Variants in MEI4 observed in about 807,000 individuals in gnomAD.
MEI4 encodes meiosis-specific protein MEI4.
A neutral mutation model predicts 31.4 loss-of-function variants in MEI4; 27 were observed. That is an observed-to-expected ratio of 0.86 (90% CI 0.63 to 1.19). The LOEUF is 1.19. Among genes scored for constraint, MEI4 ranks in the 50% most tolerant of loss-of-function variants. The pLI, the probability that MEI4 is intolerant of heterozygous loss-of-function variation, is 0.00. For synonymous variants in MEI4, 122 were observed against 145.4 expected, an observed-to-expected ratio of 0.84 and a Z score of 1.16; for missense variants, 329 against 398.9, an observed-to-expected ratio of 0.82 and a Z score of 1.49.
intron 3 of MEI4, among the ~76,000 whole-genome samples, chr6:77,788,224 A>C (rs557397833): frequency 6.6e-6 from 1 of 152,226 alleles, no homozygotes; most frequent in Admixed American, 6.5e-5. Context: ...AAAAACTCTC[A>C]ATAAATTAGG....
intron 4 of MEI4, among the ~76,000 whole-genome samples, chr6:77,883,717 G>GATAGATAGATATATATATATAT (rs1554172067): frequency 9.2e-5 from 4 of 43,338 alleles, no homozygotes; most frequent in African/African-American, 7.5e-4. Flanking sequence ...TATTATGTAA[G>GATAGATAGATATATATATATAT]ATATATATAT....
At chr6:77,707,164 G>A (rs116202078) in intron 2 of MEI4, among the ~76,000 whole-genome samples, 110 of 152,150 alleles carry the variant, frequency 7.2e-4, no homozygotes, top group African/African-American at 2.6e-3. Flanking sequence ...AATATGGACA[G>A]TGAAAGCCAG....
At chr6:77,670,887 C>T (rs1768725761) in intron 1 of MEI4, among the ~76,000 whole-genome samples, 2 of 152,016 alleles carry the variant, frequency 1.3e-5, no homozygotes, top group South Asian at 2.1e-4. Context: ...AATAGTTTAT[C>T]CCTTTCTATC....
At chr6:77,655,857 CCTT>C (rs1768385467) in intron 1 of MEI4, among the ~76,000 whole-genome samples, 1 of 152,012 alleles carries the variant, frequency 6.6e-6, no homozygotes, top group African/African-American at 2.4e-5. Flanking sequence ...TTATTATACT[CCTT>C]AGATTTTGGA....
chr6:77,738,221 G>A (rs142936047), intron 2 of MEI4, among the ~76,000 whole-genome samples: 1 of 152,184 alleles, frequency 6.6e-6, no homozygotes, highest in African/African-American at 2.4e-5. Context: ...AAATAGTTTA[G>A]AGCCAAGCTG....
chr6:77,663,032 A>G (rs1330100344), intron 1 of MEI4, among the ~76,000 whole-genome samples: 2 of 152,228 alleles, frequency 1.3e-5, no homozygotes, highest in African/African-American at 2.4e-5. Context: ...TAAAGAAAGC[A>G]TGTTTGAGAT....
Position 77,828,911 on chromosome 6 carries a change from C to A in MEI4, c.769-20C>A. On this transcript the variant is annotated intron_variant, in intron 3 of 4. Coordinates refer to ENST00000684080, the MANE Select transcript of MEI4 (RefSeq NM_001322247.2). ...ATTTGACGTGATGGAATATAGAAACCTACTCATTTTTATCTTTAGTTTCAG... is the reference window on the plus strand; with the variant it reads ...ATTTGACGTGATGGAATATAGAAACATACTCATTTTTATCTTTAGTTTCAG... 1 of 1,231,576 alleles carries A rather than the reference C, an allele frequency of 8.1e-7. No homozygotes were observed. The highest frequency in any genetic ancestry group is 1.0e-6 in the Non-Finnish European group (1 of 987,454). The allele number at this position is 1,231,576 out of a possible 1,614,324, so 76.3% of individuals were successfully genotyped here.
At chr6:77,758,131 G>GT (rs1240987212) in intron 2 of MEI4, among the ~76,000 whole-genome samples, 2 of 147,118 alleles carry the variant, frequency 1.4e-5, no homozygotes, top group African/African-American at 5.0e-5. Context: ...CTCCAGCTTG[G>GT]TGACAGAGCA....
At chr6:77,891,561 T>G (rs1448318496) in intron 4 of MEI4, among the ~76,000 whole-genome samples, 1 of 152,188 alleles carries the variant, frequency 6.6e-6, no homozygotes, top group African/African-American at 2.4e-5. Flanking sequence ...TTTGCTCTCT[T>G]GTATCTCACT....
At chr6:77,905,514 T>G (rs1766276132) in intron 4 of MEI4, among the ~76,000 whole-genome samples, 1 of 70,954 alleles carries the variant, frequency 1.4e-5, no homozygotes, top group African/African-American at 6.1e-5. Flanking sequence ...TTTTTTTTTT[T>G]GTGGCAGAGT....
rs1766779474 is a variant in MEI4, at chr6:77,923,969, GTTCT to G, written c.*626_*629del. On this transcript the variant is annotated 3_prime_UTR_variant, in exon 5 of 5. Coordinates refer to ENST00000684080, the MANE Select transcript of MEI4 (RefSeq NM_001322247.2). ...ATACTATTAATTAGTTGTTTAAAAT[GTTCT>G]TTGTTTTTCAACAAATACTTGTTTC... 2 of 151,432 alleles carry G rather than the reference GTTCT, an allele frequency of 1.3e-5. No homozygotes were observed. Among genetic ancestry groups the G allele is most frequent in the African/African-American group, 2.4e-5 (1 of 41,328 alleles). The allele number at this position is 151,432 out of a possible 1,614,324, so 9.4% of individuals were successfully genotyped here. A position where few individuals can be genotyped will look rare whatever the true frequency, so the allele number is the denominator to read the frequency against.
intron 4 of MEI4, among the ~76,000 whole-genome samples, chr6:77,898,790 A>T (rs1345716140): frequency 6.6e-6 from 1 of 152,008 alleles, no homozygotes; most frequent in African/African-American, 2.4e-5. Flanking sequence ...TTATCCAAGG[A>T]ATGTGACTTT....
intron 4 of MEI4, among the ~76,000 whole-genome samples, chr6:77,844,748 C>G (rs193092826): frequency 6.6e-6 from 1 of 151,788 alleles, no homozygotes; most frequent in African/African-American, 2.4e-5. Flanking sequence ...TGTCACATGT[C>G]GAGGAAAGCA....
At chr6:77,713,725 A>G (rs192749982) in intron 2 of MEI4, among the ~76,000 whole-genome samples, 32 of 152,348 alleles carry the variant, frequency 2.1e-4, no homozygotes, top group Non-Finnish European at 4.4e-4. Flanking sequence ...CTGTATTGTT[A>G]TAAGATGCTC....
intron 1 of MEI4, among the ~76,000 whole-genome samples, chr6:77,678,975 GA>G (rs1464275165): frequency 2.6e-5 from 4 of 151,780 alleles, no homozygotes; most frequent in African/African-American, 4.8e-5. Context: ...TTTAAAATAG[GA>G]AAAGTTTATA....
intron 1 of MEI4, among the ~76,000 whole-genome samples, chr6:77,678,401 G>C (rs143214164): frequency 3.3e-5 from 5 of 152,254 alleles, no homozygotes; most frequent in African/African-American, 1.2e-4. Context: ...AGTTCTGATT[G>C]GTAGGTGAAG....
chr6:77,779,690 C>G (rs1411842126), intron 3 of MEI4, among the ~76,000 whole-genome samples: 1 of 152,068 alleles, frequency 6.6e-6, no homozygotes, highest in Non-Finnish European at 1.5e-5. Flanking sequence ...GCCCCTTTCC[C>G]TGGTTTTCAT....
Position 77,848,136 on chromosome 6 carries a change from T to A in MEI4, c.900+19074T>A, listed in dbSNP as rs1041371577. 7.2e-5 allele frequency among the ~76,000 whole-genome samples: 11 copies of A among 152,288 alleles called. No individual in the cohort carries two copies. In the East Asian group the frequency reaches 1.9e-3, roughly 27 times the overall value. ...TACTTATTGAAGAATAGAAAGCAAC[T>A]ATAAGGTATAATGATAAAGAGAGGG... On this transcript the variant is annotated intron_variant, in intron 4 of 4. Transcript: ENST00000684080.
chr6:77,883,368 CTA>C (rs1228968525), intron 4 of MEI4, among the ~76,000 whole-genome samples: 1 of 151,896 alleles, frequency 6.6e-6, no homozygotes, highest in Non-Finnish European at 1.5e-5. Context: ...TATAGTCACC[CTA>C]CAGTGCTATT....
Sources: allele counts gnomAD v4.1 joint callset (sites outside exome capture counted in the v4.1 genomes callset), GRCh38; gene constraint gnomAD v4.1.1; transcripts MANE v1.5; gene names NCBI Gene and HGNC (gene_info 2026-07-23, HGNC 2026-07-21).